Variants in ZNF578 observed in about 807,000 individuals in gnomAD.
ZNF578 encodes the protein zinc finger protein 578, also known as Putative chemokine-related protein B42.
Under a neutral mutation model 8.3 loss-of-function variants are expected in ZNF578, and 8 were observed. The ratio of observed to expected loss-of-function variants is 0.96; its 90% CI spans 0.56 to 1.74. ZNF578 has a LOEUF of 1.74. Ranked by LOEUF, ZNF578 falls within the 40% of genes most tolerant of loss-of-function variation. The pLI, the probability that ZNF578 is intolerant of heterozygous loss-of-function variation, is 0.00. For synonymous variants in ZNF578, 206 were observed against 232.2 expected, an observed-to-expected ratio of 0.89 and a Z score of 1.03; for missense variants, 726 against 707.5, an observed-to-expected ratio of 1.03 and a Z score of -0.30.
At chr19:52,471,364 A>G (rs2122798435) in intron 2 of ZNF578, among the ~76,000 whole-genome samples, 1 of 152,260 alleles carries the variant, frequency 6.6e-6, no homozygotes, top group South Asian at 2.1e-4. Flanking sequence ...TAACTTTACA[A>G]TTGTATGAGC....
intron 2 of ZNF578, among the ~76,000 whole-genome samples, chr19:52,471,964 C>A (rs147851555): frequency 6.6e-6 from 1 of 151,862 alleles, no homozygotes; most frequent in East Asian, 1.9e-4. Flanking sequence ...GACATTATTA[C>A]AGTATTTTTA....
At chr19:52,508,678 C>T (rs532260237) in intron 5 of ZNF578, among the ~76,000 whole-genome samples, 1 of 151,588 alleles carries the variant, frequency 6.6e-6, no homozygotes, top group African/African-American at 2.4e-5. Flanking sequence ...GCCTGTAATC[C>T]CAGCTACTGA....
intron 2 of ZNF578, among the ~76,000 whole-genome samples, chr19:52,483,489 T>G (rs945573868): frequency 2.0e-5 from 3 of 152,172 alleles, no homozygotes; most frequent in African/African-American, 7.2e-5. Flanking sequence ...CATGACCAAA[T>G]TCTCTCACAG....
chr19:52,483,284 G>A (rs763441932), intron 2 of ZNF578, among the ~76,000 whole-genome samples: 6 of 151,572 alleles, frequency 4.0e-5, no homozygotes, highest in Middle Eastern at 6.8e-3. Flanking sequence ...GTGTGGTGGC[G>A]CATGCCTGTA....
intron 2 of ZNF578, among the ~76,000 whole-genome samples, chr19:52,486,258 C>A (rs1382087164): frequency 6.6e-6 from 1 of 152,170 alleles, no homozygotes; most frequent in African/African-American, 2.4e-5. Flanking sequence ...TTCCTGCTGA[C>A]CCTTCCCCAC....
chr19:52,459,789 TTTTTG>T (rs1190933079), intron 2 of ZNF578, among the ~76,000 whole-genome samples: 2 of 105,140 alleles, frequency 1.9e-5, no homozygotes, highest in African/African-American at 7.5e-5. Flanking sequence ...TTTTTTTTTT[TTTTTG>T]AGATGGAGTC....
chr19:52,491,764 T>C (rs527499857), intron 3 of ZNF578, among the ~76,000 whole-genome samples: 2 of 152,186 alleles, frequency 1.3e-5, no homozygotes, highest in African/African-American at 4.8e-5. Context: ...TAGATCTCTT[T>C]AACAAACGTA....
In ZNF578 at chr19:52,511,635, T is replaced by G. The variant is rs1402527106; in HGVS notation, c.1254T>G (p.His418Gln). The change falls in exon 6 of 6, where the codon CAT becomes CAG. Residue 418 changes from histidine (H) to glutamine (Q), a missense_variant. Transcript: ENST00000421239. ...AACAATCACACCTTTCACGTCATCA[T>G]AGACTTCATACTGGAGAGAAACCTT... is the stretch of plus-strand genomic sequence containing the variant. ...FNQQSHLSRH[H>Q]RLHTGEKPYK... 1 of 1,613,122 alleles carries G rather than the reference T, an allele frequency of 6.2e-7. No homozygotes were observed. The highest frequency in any genetic ancestry group is 8.5e-7 in the Non-Finnish European group (1 of 1,179,160).
intron 2 of ZNF578, chr19:52,458,108 G>C (rs2059244949): frequency 6.6e-6 from 1 of 152,598 alleles, no homozygotes; most frequent in Admixed American, 6.5e-5. Flanking sequence ...GCTCGTGGAA[G>C]TCTTAATGTG....
intron 3 of ZNF578, among the ~76,000 whole-genome samples, chr19:52,492,567 G>A (rs2059369523): frequency 6.6e-6 from 1 of 152,172 alleles, no homozygotes; most frequent in Non-Finnish European, 1.5e-5. Flanking sequence ...ATTTTAGTTT[G>A]CATGCCCGTT....
intron 3 of ZNF578, among the ~76,000 whole-genome samples, chr19:52,497,145 G>A (rs556264682): frequency 4.3e-4 from 66 of 152,174 alleles, no homozygotes; most frequent in African/African-American, 1.5e-3. Context: ...TGTCACCCAG[G>A]CTGGAGTGCA....
At position 52,515,186 on chromosome 19, in the gene ZNF578, A is replaced by G. The variant is rs1310542431; in HGVS notation, c.*3032A>G. On this transcript the variant is annotated 3_prime_UTR_variant, in exon 6 of 6. Transcript: ENST00000421239. ...CATCATGTTGGCAGGCTGGTCTTGAACTCCTGACTTCAGGTGATCTGCCCA... is the reference window on the plus strand; with the variant it reads ...CATCATGTTGGCAGGCTGGTCTTGAGCTCCTGACTTCAGGTGATCTGCCCA... Among the ~76,000 whole-genome samples, 1 of 150,330 alleles carries G rather than the reference A, an allele frequency of 6.7e-6. No homozygotes were observed. Among genetic ancestry groups the G allele is most frequent in the South Asian group, 2.1e-4 (1 of 4,740 alleles).
intron 3 of ZNF578, among the ~76,000 whole-genome samples, chr19:52,501,463 G>A (rs1253880951): frequency 6.6e-6 from 1 of 152,230 alleles, no homozygotes; most frequent in Non-Finnish European, 1.5e-5. Context: ...GAAGCTCTGA[G>A]TCCTGCATTT....
At chr19:52,504,127 G>T (rs935378350) in intron 4 of ZNF578, among the ~76,000 whole-genome samples, 1 of 148,186 alleles carries the variant, frequency 6.7e-6, no homozygotes, top group South Asian at 2.2e-4. Flanking sequence ...GTGTCAGTCT[G>T]TTGCCCAGGA....
intron 2 of ZNF578, among the ~76,000 whole-genome samples, chr19:52,475,698 A>C (rs2059306381): frequency 6.6e-6 from 1 of 152,174 alleles, no homozygotes; most frequent in Non-Finnish European, 1.5e-5. Context: ...GTTGAAAATA[A>C]TTTGAAGTCT....
chr19:52,474,634 C>T, intron 2 of ZNF578: 1 of 330,426 alleles, frequency 3.0e-6, no homozygotes, highest in South Asian at 2.9e-5. Flanking sequence ...ACACTCATTA[C>T]ATTTGTAAGG....
intron 2 of ZNF578, among the ~76,000 whole-genome samples, chr19:52,459,723 G>A (rs74176153): frequency 0.8 from 39,116 of 48,866 alleles, 15,513 homozygotes; most frequent in Non-Finnish European, 0.87. Flanking sequence ...ATGTGTGTGT[G>A]TGTGTGTGTG....
At chr19:52,458,276 A>C (rs2059245423) in intron 2 of ZNF578, 1 of 151,982 alleles carries the variant, frequency 6.6e-6, no homozygotes, top group Non-Finnish European at 1.5e-5. Flanking sequence ...TCCTGCAGAG[A>C]CTCTTGTGAA....
At position 52,513,106 on chromosome 19, in the gene ZNF578, C is replaced by T. The variant is rs140166790; in HGVS notation, c.*952C>T. On this transcript the variant is annotated 3_prime_UTR_variant, in exon 6 of 6. Transcript: ENST00000421239. ...TGCGATCTTGACTCACAGCAACCTC[C>T]GCCTCCTGGGTTCAAGCGATTCCTC... Among the ~76,000 whole-genome samples the T allele has an allele frequency of 3.8e-3, 571 of 152,188 alleles. 1 individual carries two copies. Among genetic ancestry groups the T allele is most frequent in the Non-Finnish European group, 6.5e-3 (441 of 68,006 alleles).
Sources: gnomAD v4.1 joint callset for allele counts (sites outside exome capture counted in the v4.1 genomes callset) on GRCh38, gnomAD v4.1.1 for gene constraint, MANE v1.5 for transcripts, NCBI Gene and HGNC (gene_info 2026-07-23, HGNC 2026-07-21) for gene names.